Variants in FAR2 observed in about 807,000 individuals in gnomAD.
FAR2 encodes the protein epididymis secretory protein Li 81.
In FAR2, 19 loss-of-function variants were observed where a neutral mutation model predicts 56.0. The observed-to-expected ratio is 0.34, with a 90% CI of 0.24 to 0.50. The LOEUF (loss-of-function observed/expected upper bound fraction) is 0.50, where lower values mean the gene tolerates loss of function less well. FAR2 is among the 20% of genes least tolerant of loss of function. The pLI is 0.98. For missense variants in FAR2, 508 were observed against 642.2 expected, an observed-to-expected ratio of 0.79 and a Z score of 2.26; for synonymous variants, 219 against 218.8, an observed-to-expected ratio of 1.00 and a Z score of -0.01.
chr12:29,193,183 C>T (rs538794909), intron 1 of FAR2, among the ~76,000 whole-genome samples: 33 of 152,234 alleles, frequency 2.2e-4, no homozygotes, highest in African/African-American at 6.7e-4. Flanking sequence ...ACAGCCTCCC[C>T]ATTATCAATA....
At chr12:29,331,553 A>G (rs968238690) in intron 10 of FAR2, 1 of 152,164 alleles carries the variant, frequency 6.6e-6, no homozygotes, top group South Asian at 2.1e-4. Context: ...TCTTTCTACT[A>G]ACAAGTTTTA....
chr12:29,328,304 G>A (rs1303885394), intron 10 of FAR2, among the ~76,000 whole-genome samples: 1 of 152,176 alleles, frequency 6.6e-6, no homozygotes, highest in Non-Finnish European at 1.5e-5. Flanking sequence ...TACACTGTTG[G>A]TGGGACTGTA....
intron 1 of FAR2, among the ~76,000 whole-genome samples, chr12:29,253,021 G>GC (rs1417170014): frequency 1.3e-5 from 2 of 152,044 alleles, no homozygotes; most frequent in Non-Finnish European, 2.9e-5. Flanking sequence ...TCTTCCCAGA[G>GC]CCAAAAGAAA....
At chr12:29,175,057 G>T (rs1949923917) in intron 1 of FAR2, among the ~76,000 whole-genome samples, 1 of 152,210 alleles carries the variant, frequency 6.6e-6, no homozygotes, top group African/African-American at 2.4e-5. Context: ...TGACACTCAT[G>T]TCTTTAGTCT....
At chr12:29,180,767 A>G (rs1308159711) in intron 1 of FAR2, among the ~76,000 whole-genome samples, 1 of 150,810 alleles carries the variant, frequency 6.6e-6, no homozygotes, top group East Asian at 1.9e-4. Flanking sequence ...CTATCTATCT[A>G]TCTATTCTCT....
chr12:29,242,153 G>C (rs946891565), intron 1 of FAR2, among the ~76,000 whole-genome samples: 1 of 152,164 alleles, frequency 6.6e-6, no homozygotes, highest in Non-Finnish European at 1.5e-5. Context: ...AGCTAGAAAG[G>C]AAGTTTATGT....
Position 29,317,505 on chromosome 12 carries a change from T to G in FAR2, c.1127+493T>G, listed in dbSNP as rs866140539. Among the ~76,000 whole-genome samples the G allele has an allele frequency of 9.2e-5, 14 of 152,314 alleles. No homozygotes were observed. The South Asian group carries it at 2.3e-3, about 25-fold the overall frequency. On this transcript the variant is annotated intron_variant, in intron 9 of 11. Transcript: ENST00000536681. ...AAAGGATACTCGACCTGTATAAGTT[T>G]TGAACAAAGCAGTCATAGTGAGAAG...
At chr12:29,306,824 T>A (rs1216415328) in intron 4 of FAR2, among the ~76,000 whole-genome samples, 2 of 152,216 alleles carry the variant, frequency 1.3e-5, no homozygotes, top group Non-Finnish European at 2.9e-5. Context: ...AATCGTGATT[T>A]TGAAGCTATT....
intron 10 of FAR2, among the ~76,000 whole-genome samples, 162 bp downstream of exon 10, chr12:29,322,086 C>T (rs545904247): frequency 1.3e-5 from 2 of 152,304 alleles, no homozygotes; most frequent in East Asian, 3.9e-4. Context: ...ATCAACACCA[C>T]CGTAGGAAAC....
chr12:29,291,424 C>T (rs1948965472), intron 2 of FAR2: 3 of 455,916 alleles, frequency 6.6e-6, no homozygotes, highest in African/African-American at 4.0e-5. Context: ...AGTTTGAAAG[C>T]TACTGATGCG....
chr12:29,239,397 A>G (rs1441029418), intron 1 of FAR2, among the ~76,000 whole-genome samples: 1 of 152,124 alleles, frequency 6.6e-6, no homozygotes, highest in Non-Finnish European at 1.5e-5. Flanking sequence ...TTGTATCTAG[A>G]AAAGTATTAA....
chr12:29,189,905 A>T (rs886678877), intron 1 of FAR2, among the ~76,000 whole-genome samples: 2 of 152,168 alleles, frequency 1.3e-5, no homozygotes, highest in South Asian at 4.1e-4. Flanking sequence ...CAAGGAGGAG[A>T]TGGAGCTGAT....
At chr12:29,297,433 C>T (rs1949089839) in intron 4 of FAR2, among the ~76,000 whole-genome samples, 1 of 152,196 alleles carries the variant, frequency 6.6e-6, no homozygotes, top group Non-Finnish European at 1.5e-5. Flanking sequence ...CGTAGGATTG[C>T]ATGAGGTACT....
intron 4 of FAR2, among the ~76,000 whole-genome samples, chr12:29,300,569 T>A (rs567353834): frequency 6.6e-6 from 1 of 152,222 alleles, no homozygotes; most frequent in Non-Finnish European, 1.5e-5. Context: ...GGTTTTTAGG[T>A]TTCTATTTCC....
At chr12:29,286,096 C>A (rs1285360248) in intron 2 of FAR2, among the ~76,000 whole-genome samples, 1 of 152,008 alleles carries the variant, frequency 6.6e-6, no homozygotes, top group Non-Finnish European at 1.5e-5. Flanking sequence ...CACATACACA[C>A]ACACACAACA....
At chr12:29,267,561 G>A (rs1948539153) in intron 1 of FAR2, among the ~76,000 whole-genome samples, 2 of 152,150 alleles carry the variant, frequency 1.3e-5, no homozygotes, top group Admixed American at 1.3e-4. Flanking sequence ...CTAACTTGGG[G>A]ACACTACTTT....
intron 2 of FAR2, 185 bp from the exon 3 acceptor site, chr12:29,293,115 C>T (rs1163947133): frequency 9.2e-6 from 4 of 434,438 alleles, no homozygotes; most frequent in Non-Finnish European, 1.6e-5. Flanking sequence ...GATCTCCCTG[C>T]TTTGGCTTCC....
chr12:29,192,300 A>G (rs1396890929), intron 1 of FAR2, among the ~76,000 whole-genome samples: 1 of 152,246 alleles, frequency 6.6e-6, no homozygotes, highest in East Asian at 1.9e-4. Context: ...GATTTTGCAA[A>G]TGTGAATATT....
intron 1 of FAR2, among the ~76,000 whole-genome samples, chr12:29,261,854 C>A (rs1948424338): frequency 6.6e-6 from 1 of 152,156 alleles, no homozygotes; most frequent in East Asian, 1.9e-4. Flanking sequence ...GAAATAAAGA[C>A]CTTCCCAGAC....
Sources: allele counts gnomAD v4.1 joint callset (sites outside exome capture counted in the v4.1 genomes callset), GRCh38; gene constraint gnomAD v4.1.1; transcripts MANE v1.5; gene names NCBI Gene and HGNC (gene_info 2026-07-23, HGNC 2026-07-21).